CCSER1: variants seen among roughly 807,000 people sequenced by gnomAD.
The protein encoded by CCSER1 is serine-rich coiled-coil domain-containing protein 1.
A neutral mutation model predicts 82.0 loss-of-function variants in CCSER1; 41 were observed. The ratio of observed to expected loss-of-function variants is 0.50; its 90% CI spans 0.39 to 0.65. The LOEUF (loss-of-function observed/expected upper bound fraction) is 0.65, where lower values mean the gene tolerates loss of function less well. Among genes scored for constraint, CCSER1 ranks in the 30% least tolerant of loss-of-function variants. CCSER1 has a pLI of 0.00. For synonymous variants in CCSER1, 414 were observed against 383.9 expected (o/e 1.08, Z -0.92); for missense variants, 1,119 against 1,064.2 (o/e 1.05, Z -0.72).
chr4:90,505,658 T>A (rs1261460075), intron 5 of CCSER1, among the ~76,000 whole-genome samples: 1 of 152,240 alleles, frequency 6.6e-6, no homozygotes, highest in East Asian at 1.9e-4. Context: ...AGTTCATCTT[T>A]CTTTCAGACC....
intron 10 of CCSER1, among the ~76,000 whole-genome samples, chr4:91,194,142 G>C (rs1293371281): frequency 6.6e-6 from 1 of 151,968 alleles, no homozygotes; most frequent in African/African-American, 2.4e-5. Context: ...GCTAATTTTT[G>C]TATTTTTAGT....
chr4:91,459,693 A>T (rs1229529188), intron 10 of CCSER1, among the ~76,000 whole-genome samples: 2 of 152,150 alleles, frequency 1.3e-5, no homozygotes, highest in African/African-American at 2.4e-5. Context: ...CCAGTGTACA[A>T]TTTCTAATTT....
At chr4:90,930,910 T>TTTTA (rs375418729) in intron 9 of CCSER1, among the ~76,000 whole-genome samples, 38 of 109,650 alleles carry the variant, frequency 3.5e-4, no homozygotes, top group South Asian at 2.4e-3. Context: ...TATCCTTATT[T>TTTTA]TATATATATA....
At chr4:90,163,541 TATTA>T (rs1023463413) in intron 1 of CCSER1, among the ~76,000 whole-genome samples, 2 of 152,204 alleles carry the variant, frequency 1.3e-5, no homozygotes, top group African/African-American at 4.8e-5. Flanking sequence ...TACCTATTAT[TATTA>T]ATTCACACTG....
chr4:90,739,041 C>A (rs1042987049), intron 7 of CCSER1, among the ~76,000 whole-genome samples: 1 of 152,234 alleles, frequency 6.6e-6, no homozygotes, highest in Non-Finnish European at 1.5e-5. Flanking sequence ...GGAGACTCTA[C>A]CCATAGCCAC....
chr4:90,640,974 A>G (rs1390085726), intron 6 of CCSER1, among the ~76,000 whole-genome samples: 1 of 152,172 alleles, frequency 6.6e-6, no homozygotes, highest in Non-Finnish European at 1.5e-5. Context: ...TTTGAATTTC[A>G]GCTCTCACAA....
intron 5 of CCSER1, among the ~76,000 whole-genome samples, chr4:90,593,221 G>A (rs2148704683): frequency 6.6e-6 from 1 of 151,980 alleles, no homozygotes; most frequent in Non-Finnish European, 1.5e-5. Context: ...AACTTTAAAA[G>A]GAAATAGAAA....
At chr4:90,848,153 G>A (rs891911769) in intron 8 of CCSER1, among the ~76,000 whole-genome samples, 1 of 152,152 alleles carries the variant, frequency 6.6e-6, no homozygotes, top group Non-Finnish European at 1.5e-5. Flanking sequence ...TAAACACTAT[G>A]TAAGGGGGTA....
chr4:90,142,634 T>C (rs1192425468), intron 1 of CCSER1, among the ~76,000 whole-genome samples: 1 of 152,058 alleles, frequency 6.6e-6, no homozygotes, highest in Non-Finnish European at 1.5e-5. Context: ...CACTTTTTTT[T>C]TTTTTGGTAT....
chr4:90,885,249 CA>C (rs1721949802), intron 8 of CCSER1, among the ~76,000 whole-genome samples: 1 of 151,888 alleles, frequency 6.6e-6, no homozygotes, highest in South Asian at 2.1e-4. Flanking sequence ...AATACATTAC[CA>C]ACACCAAAAC....
At position 90,424,731 on chromosome 4, in the gene CCSER1, C is replaced by G. The variant is rs564785583; in HGVS notation, c.1603+24602C>G. The stretch of plus-strand genomic sequence containing the variant: ...CAAAGTCTACTTCCAGTTCAGTCCT[C>G]TTTCCTGATGTGCACATACATGTAT... On this transcript the variant is annotated intron_variant, in intron 4 of 10. Coordinates refer to ENST00000509176, the MANE Select transcript of CCSER1 (RefSeq NM_001145065.2). 1.2e-4 allele frequency among the ~76,000 whole-genome samples: 19 copies of G among 152,338 alleles called. No homozygotes were observed. The South Asian group carries it at 3.9e-3, about 32-fold the overall frequency.
intron 10 of CCSER1, among the ~76,000 whole-genome samples, chr4:91,246,827 TACAC>T (rs34278711): frequency 1.0e-3 from 149 of 144,156 alleles, no homozygotes; most frequent in East Asian, 8.1e-3. Context: ...CATACACACA[TACAC>T]ACACACACAC....
At chr4:90,733,484 T>G (rs1745108622) in intron 7 of CCSER1, among the ~76,000 whole-genome samples, 1 of 152,172 alleles carries the variant, frequency 6.6e-6, no homozygotes, top group African/African-American at 2.4e-5. Context: ...TTCTGTGAGT[T>G]TCTCTTCACT....
At chr4:90,448,434 A>G (rs1450532607) in intron 4 of CCSER1, among the ~76,000 whole-genome samples, 2 of 119,674 alleles carry the variant, frequency 1.7e-5, no homozygotes, top group Non-Finnish European at 3.4e-5. Context: ...TTTTTTCTCT[A>G]GGTGAATTGA....
intron 6 of CCSER1, among the ~76,000 whole-genome samples, chr4:90,709,440 A>AC (rs537735114): frequency 6.6e-6 from 1 of 150,376 alleles, no homozygotes; most frequent in East Asian, 2.0e-4. Context: ...TCCCGCTCAA[A>AC]CCCCCTCCAA....
Position 90,727,351 on chromosome 4 carries a change from C to A in CCSER1, c.2010+3360C>A. The A allele has an allele frequency of 6.6e-6, 3 of 453,222 alleles. 1 individual carries two copies. The highest frequency in any genetic ancestry group is 4.7e-5 in the South Asian group (3 of 64,160). 28.1% of individuals were successfully genotyped at this position (453,222 alleles called of 1,614,324 possible). A position where few individuals can be genotyped will look rare whatever the true frequency, so the allele number is the denominator to read the frequency against. ...CAACAGAATCATAAAAGTTCAAGAT[C>A]ATTAAAGTGAAACATTGCTCTGATA... On this transcript the variant is annotated intron_variant, in intron 7 of 10. Transcript: ENST00000509176.
chr4:90,996,958 G>A (rs983453187), intron 9 of CCSER1, among the ~76,000 whole-genome samples: 1 of 152,136 alleles, frequency 6.6e-6, no homozygotes, highest in African/African-American at 2.4e-5. Context: ...AAGCCACTGT[G>A]AAATTTGTGT....
intron 5 of CCSER1, among the ~76,000 whole-genome samples, chr4:90,493,809 A>G (rs1560608484): frequency 2.0e-5 from 3 of 151,940 alleles, no homozygotes. Flanking sequence ...TACTGCAAAA[A>G]CATGCTAAAT....
intron 9 of CCSER1, among the ~76,000 whole-genome samples, chr4:90,953,634 A>C (rs1733143790): frequency 6.6e-6 from 1 of 151,918 alleles, no homozygotes; most frequent in South Asian, 2.1e-4. Context: ...ATAGTTAAAT[A>C]TAAATATTCT....
Sources: gnomAD v4.1 joint callset for allele counts (sites outside exome capture counted in the v4.1 genomes callset) on GRCh38, gnomAD v4.1.1 for gene constraint, MANE v1.5 for transcripts, NCBI Gene and HGNC (gene_info 2026-07-23, HGNC 2026-07-21) for gene names.